Variants in HMCN1 observed in about 807,000 individuals in gnomAD.
HMCN1 encodes hemicentin-1.
A neutral mutation model predicts 625.9 loss-of-function variants in HMCN1; 321 were observed. The observed-to-expected ratio is 0.51, with a 90% confidence interval of 0.47 to 0.56. HMCN1 has a LOEUF of 0.56. Among genes scored for constraint, HMCN1 ranks in the 20% least tolerant of loss-of-function variants. The probability of loss-of-function intolerance (pLI) is 0.00; values close to 1 mark genes in which losing one functional copy is unlikely to be tolerated. For synonymous variants in HMCN1, 2,425 were observed against 2,417.6 expected, an observed-to-expected ratio of 1.00 and a Z score of -0.09; for missense variants, 6,588 against 6,887.3, an observed-to-expected ratio of 0.96 and a Z score of 1.54.
In HMCN1 at chr1:186,047,129, A is replaced by G. The variant is rs1263844074; in HGVS notation, c.6480+1266A>G. ...AGCATGGGTGTGAGTGAAAGGGAGC[A>G]TGAAGGAGTATGTTACGGGCAAAGG... On this transcript the variant is annotated intron_variant, in intron 41 of 106. Coordinates refer to ENST00000271588, the MANE Select transcript of HMCN1 (RefSeq NM_031935.3). Among the ~76,000 whole-genome samples the G allele has an allele frequency of 2.0e-5, 3 of 152,122 alleles. No homozygotes were observed. In the East Asian group the frequency reaches 5.8e-4, roughly 29 times the overall value.
At position 185,932,419 on chromosome 1, in the gene HMCN1, G is replaced by A. The variant is rs571074133; in HGVS notation, c.1553-1130G>A. ...TTTAAATAGCACAGGGATAAAGTTT[G>A]ATCTTGAATATTTGACACACTTTCA... On this transcript the variant is annotated intron_variant, in intron 10 of 106. Coordinates refer to ENST00000271588, the MANE Select transcript of HMCN1 (RefSeq NM_031935.3). 3.3e-5 allele frequency among the ~76,000 whole-genome samples: 5 copies of A among 152,230 alleles called. No homozygotes were observed. The East Asian group carries it at 9.6e-4, about 29-fold the overall frequency.
chr1:185,948,528 A>C (rs1668463861), intron 11 of HMCN1, among the ~76,000 whole-genome samples: 1 of 151,400 alleles, frequency 6.6e-6, no homozygotes, highest in African/African-American at 2.4e-5. Context: ...ATGAGCCAGG[A>C]AAAGGACTTT....
In HMCN1 at chr1:186,062,548, A is replaced by T. The variant is rs761393777; in HGVS notation, c.7461A>T (p.Glu2487Asp). Residue 2487 changes from glutamate (E) to aspartate (D), a missense_variant, in exon 48 of 107, where the codon GAA (glutamate) becomes GAT (aspartate). By Grantham distance (45) the Glu-to-Asp change is conservative (BLOSUM62 2). Around this residue, in one of 3 missense-constraint regions of HMCN1, gnomAD observed 4,628 missense variants for 4,853.1 expected, o/e 0.95. Coordinates refer to ENST00000271588, the MANE Select transcript of HMCN1 (RefSeq NM_031935.3). ...ATATTGTGGGTGAAAATACATTGGA[A>T]GATGTGAAGGTAAAAGAGAAACAGA... ...PPHIVGENTL[E>D]DVKVKEKQSV... 15 of 1,612,684 alleles carry T rather than the reference A, an allele frequency of 9.3e-6. No homozygotes were observed. In the South Asian group the frequency reaches 1.6e-4, roughly 18 times the overall value.
At position 186,076,624 on chromosome 1, in the gene HMCN1, T is replaced by C; in HGVS notation, c.8485+2T>C. The stretch of plus-strand genomic sequence containing the variant: ...GTGATAAAGTATTGATTTTGCCAGG[T>C]AAAGATTGATACCAACAGGGTGAAA... On this transcript the variant is annotated splice_donor_variant, in intron 54 of 106. Coordinates refer to ENST00000271588, the MANE Select transcript of HMCN1 (RefSeq NM_031935.3). LOFTEE classifies it high-confidence loss of function. 1 of 1,611,886 alleles carries C rather than the reference T, an allele frequency of 6.2e-7. No homozygotes were observed. Among genetic ancestry groups the C allele is most frequent in the African/African-American group, 1.3e-5 (1 of 75,012 alleles).
At chr1:186,151,420 T>C (rs1263893644) in intron 94 of HMCN1, 71 bp downstream of exon 94, 1 of 1,446,862 alleles carries the variant, frequency 6.9e-7, no homozygotes. Context: ...TCCATTAAAG[T>C]TCTAGAGAAT....
intron 4 of HMCN1, among the ~76,000 whole-genome samples, chr1:185,895,835 C>G (rs16824668): frequency 1.3e-5 from 2 of 152,082 alleles, no homozygotes; most frequent in Admixed American, 6.5e-5. Flanking sequence ...AGGATTTGCC[C>G]TTTCCTTGGT....
At chr1:185,846,231 C>A in intron 2 of HMCN1, 135 bp downstream of exon 2, 1 of 681,214 alleles carries the variant, frequency 1.5e-6, no homozygotes. Context: ...CATCCCCCAG[C>A]CCTCAACCTG....
intron 98 of HMCN1, among the ~76,000 whole-genome samples, chr1:186,165,682 A>G (rs1213384414): frequency 6.6e-6 from 1 of 152,250 alleles, no homozygotes; most frequent in Non-Finnish European, 1.5e-5. Context: ...TTACATTTAC[A>G]TACACAGTGC....
chr1:185,793,404 T>G (rs1658137392), intron 1 of HMCN1, among the ~76,000 whole-genome samples: 1 of 152,198 alleles, frequency 6.6e-6, no homozygotes, highest in Non-Finnish European at 1.5e-5. Flanking sequence ...CTTCTGTGAC[T>G]CGACTTTCTT....
In HMCN1 at chr1:186,143,577, A is replaced by G. The variant is rs190893596; in HGVS notation, c.13925-596A>G. Among the ~76,000 whole-genome samples the G allele has an allele frequency of 1.5e-4, 23 of 152,352 alleles. No individual in the cohort carries two copies. The East Asian group carries it at 4.0e-3, about 27-fold the overall frequency. On this transcript the variant is annotated intron_variant, in intron 89 of 106. Transcript: ENST00000271588. ...TGTTTAGGAAGCAGGTTAGTATGTT[A>G]TTCAGAACTTTAATTCATGAACACA...
chr1:185,866,686 A>G (rs1050540966), intron 4 of HMCN1, among the ~76,000 whole-genome samples: 7 of 151,962 alleles, frequency 4.6e-5, no homozygotes, highest in South Asian at 4.1e-4. Flanking sequence ...GATTACAGGC[A>G]TGAGCCACCG....
intron 1 of HMCN1, among the ~76,000 whole-genome samples, chr1:185,801,883 C>A (rs1031577638): frequency 6.6e-6 from 1 of 151,896 alleles, no homozygotes; most frequent in Non-Finnish European, 1.5e-5. Flanking sequence ...ATCCTATGAG[C>A]GATAGAAAGT....
At position 185,883,092 on chromosome 1, in the gene HMCN1, A is replaced by C. The variant is rs73054469; in HGVS notation, c.621+17229A>C. On this transcript the variant is annotated intron_variant, in intron 4 of 106. Coordinates refer to ENST00000271588, the MANE Select transcript of HMCN1 (RefSeq NM_031935.3). ...CGTTCAATTACTATGCTTTTGAATA[A>C]TGAAAAGAATGAGTGAGTGAATACA... 4.5e-3 allele frequency among the ~76,000 whole-genome samples: 688 copies of C among 152,232 alleles called. 8 individuals are homozygous for C. The highest frequency in any genetic ancestry group is 0.016 in the African/African-American group (665 of 41,562).
At chr1:185,780,449 GT>G (rs1287173372) in intron 1 of HMCN1, among the ~76,000 whole-genome samples, 1 of 152,144 alleles carries the variant, frequency 6.6e-6, no homozygotes, top group Admixed American at 6.5e-5. Flanking sequence ...AATGCTTCCA[GT>G]TTTTGCCCAT....
intron 1 of HMCN1, among the ~76,000 whole-genome samples, chr1:185,832,925 T>G (rs925814642): frequency 6.6e-6 from 1 of 152,188 alleles, no homozygotes; most frequent in African/African-American, 2.4e-5. Context: ...AACAACCCAG[T>G]AAAAGTGGAT....
chr1:185,840,497 C>A (rs2102307504), intron 1 of HMCN1, among the ~76,000 whole-genome samples: 1 of 152,160 alleles, frequency 6.6e-6, no homozygotes, highest in Non-Finnish European at 1.5e-5. Context: ...TTTTGTCACC[C>A]TCTATTAATT....
chr1:185,754,028 G>A (rs1193174238), intron 1 of HMCN1, among the ~76,000 whole-genome samples: 1 of 152,174 alleles, frequency 6.6e-6, no homozygotes, highest in Non-Finnish European at 1.5e-5. Flanking sequence ...CTGCATCCAT[G>A]GATGGATGAA....
In HMCN1 at chr1:185,852,086, C is replaced by T. The variant is rs12082081; in HGVS notation, c.339+5990C>T. 3.3e-3 allele frequency among the ~76,000 whole-genome samples: 497 copies of T among 151,806 alleles called. 4 individuals are homozygous for T. Among genetic ancestry groups the T allele is most frequent in the African/African-American group, 0.011 (473 of 41,438 alleles). ...CAGGAGAATAAATGGGTTTAAACTT[C>T]GGCAGGTTAAGGTTAGGGGAAAAAG... On this transcript the variant is annotated intron_variant, in intron 2 of 106. Coordinates refer to ENST00000271588, the MANE Select transcript of HMCN1 (RefSeq NM_031935.3).
At position 186,108,609 on chromosome 1, in the gene HMCN1, G is replaced by A. The variant is rs183658352; in HGVS notation, c.10989+12G>A. Reference sequence around the variant, plus strand: ...GAGAACGGTTACAGGTAAATTTTTTGATAAGCTCCACAAATTCCTTTTTGA... The same window carrying A: ...GAGAACGGTTACAGGTAAATTTTTTAATAAGCTCCACAAATTCCTTTTTGA... On this transcript the variant is annotated intron_variant, in intron 71 of 106. Coordinates refer to ENST00000271588, the MANE Select transcript of HMCN1 (RefSeq NM_031935.3). 3 of 1,613,920 alleles carry A rather than the reference G, an allele frequency of 1.9e-6. No individual in the cohort carries two copies. The highest frequency in any genetic ancestry group is 1.1e-5 in the South Asian group (1 of 91,066).
Sources: allele counts gnomAD v4.1 joint callset (sites outside exome capture counted in the v4.1 genomes callset), GRCh38; gene constraint gnomAD v4.1.1; regional missense constraint gnomAD v4.1.1; transcripts MANE v1.5; gene names NCBI Gene and HGNC (gene_info 2026-07-23, HGNC 2026-07-21).